Variants in DLG2 observed in about 807,000 individuals in gnomAD.
DLG2 encodes discs large MAGUK scaffold protein 2.
A neutral mutation model predicts 132.5 loss-of-function variants in DLG2; 45 were observed. The ratio of observed to expected loss-of-function variants is 0.34; its 90% CI spans 0.27 to 0.44. DLG2 has a LOEUF of 0.44. Among genes scored for constraint, DLG2 ranks in the 20% least tolerant of loss-of-function variants. DLG2 has a pLI of 1.00. For missense variants in DLG2, 1,045 were observed against 1,196.9 expected (o/e 0.87, Z 1.87); for synonymous variants, 424 against 419.6 (o/e 1.01, Z -0.13).
chr11:85,180,661 A>C (rs1341154425), intron 4 of DLG2, among the ~76,000 whole-genome samples: 1 of 151,872 alleles, frequency 6.6e-6, no homozygotes, highest in African/African-American at 2.4e-5. Context: ...AATGCAGTTA[A>C]ATATCAGCAT....
chr11:84,545,685 G>A (rs905708792), intron 6 of DLG2: 25 of 282,838 alleles, frequency 8.8e-5, no homozygotes, highest in Non-Finnish European at 6.2e-5. Context: ...CCACTGCCTC[G>A]GTCATTCATG....
chr11:83,965,020 T>C (rs1408573758), intron 13 of DLG2, among the ~76,000 whole-genome samples: 1 of 152,014 alleles, frequency 6.6e-6, no homozygotes, highest in African/African-American at 2.4e-5. Flanking sequence ...AGAGTGATCA[T>C]GCTTTAGGAG....
chr11:85,035,898 C>G (rs1220204919), intron 6 of DLG2, among the ~76,000 whole-genome samples: 1 of 152,156 alleles, frequency 6.6e-6, no homozygotes, highest in Non-Finnish European at 1.5e-5. Flanking sequence ...ATGTTTATTT[C>G]TAAATATGTG....
chr11:85,352,394 G>A (rs916419726), intron 3 of DLG2, among the ~76,000 whole-genome samples: 4 of 152,134 alleles, frequency 2.6e-5, no homozygotes, highest in East Asian at 3.9e-4. Context: ...AAGGGTTTTT[G>A]TGTCTCTATC....
At chr11:85,483,756 C>A (rs551176549) in intron 3 of DLG2, among the ~76,000 whole-genome samples, 1 of 151,820 alleles carries the variant, frequency 6.6e-6, no homozygotes, top group Admixed American at 6.6e-5. Context: ...CCAGCCTGGC[C>A]AACATGGTGA....
chr11:85,167,460 G>C (rs926860611), intron 4 of DLG2, among the ~76,000 whole-genome samples: 1 of 152,064 alleles, frequency 6.6e-6, no homozygotes, highest in Non-Finnish European at 1.5e-5. Flanking sequence ...GCAGAATCAG[G>C]AAGTTCACTC....
chr11:84,711,485 C>T (rs2060447649), intron 6 of DLG2, among the ~76,000 whole-genome samples: 1 of 144,868 alleles, frequency 6.9e-6, no homozygotes, highest in African/African-American at 2.6e-5. Context: ...CAGCAGTCAG[C>T]AAGCTGGAGA....
At chr11:84,737,393 G>A (rs780907723) in intron 6 of DLG2, among the ~76,000 whole-genome samples, 1 of 151,760 alleles carries the variant, frequency 6.6e-6, no homozygotes, top group Non-Finnish European at 1.5e-5. Context: ...CCTGCTCTTC[G>A]ATATTTTAGG....
chr11:85,016,152 T>A (rs1246413075), intron 6 of DLG2, among the ~76,000 whole-genome samples: 1 of 152,194 alleles, frequency 6.6e-6, no homozygotes, highest in Non-Finnish European at 1.5e-5. Context: ...TTGTCATTGA[T>A]GTTTTAATAA....
At chr11:84,735,288 G>T (rs1389718255) in intron 6 of DLG2, among the ~76,000 whole-genome samples, 1 of 152,014 alleles carries the variant, frequency 6.6e-6, no homozygotes, top group Non-Finnish European at 1.5e-5. Context: ...TGGTTGGTAG[G>T]CTATTAATTA....
intron 2 of DLG2, among the ~76,000 whole-genome samples, chr11:85,620,500 G>T (rs2081621510): frequency 6.6e-6 from 1 of 152,236 alleles, no homozygotes; most frequent in Non-Finnish European, 1.5e-5. Context: ...AAGCTAGGCA[G>T]CCCTCTTGCA....
intron 6 of DLG2, among the ~76,000 whole-genome samples, chr11:84,825,567 A>G (rs181121511): frequency 3.3e-5 from 5 of 151,956 alleles, no homozygotes; most frequent in Admixed American, 1.3e-4. Flanking sequence ...TTATATTGCT[A>G]TTTCTCTTCT....
chr11:84,043,463 A>T (rs1053090921), intron 11 of DLG2, among the ~76,000 whole-genome samples: 1 of 151,806 alleles, frequency 6.6e-6, no homozygotes. Flanking sequence ...GGTTTGTTGT[A>T]CAGATTATTT....
chr11:85,095,655 A>T (rs780742350), intron 6 of DLG2, among the ~76,000 whole-genome samples: 12 of 152,132 alleles, frequency 7.9e-5, no homozygotes, highest in Non-Finnish European at 1.8e-4. Flanking sequence ...AGACTCTTCA[A>T]ACTTAACTTT....
At chr11:85,459,161 C>T (rs1243381208) in intron 3 of DLG2, among the ~76,000 whole-genome samples, 2 of 152,156 alleles carry the variant, frequency 1.3e-5, no homozygotes, top group Non-Finnish European at 2.9e-5. Flanking sequence ...GCTGCTTCTC[C>T]AATTCAAGGA....
intron 6 of DLG2, among the ~76,000 whole-genome samples, chr11:84,915,121 T>C (rs951453670): frequency 5.4e-4 from 82 of 152,318 alleles, no homozygotes; most frequent in African/African-American, 1.8e-3. Context: ...ATATTCCTAA[T>C]TGAGGTTGTA....
At position 84,350,176 on chromosome 11, in the gene DLG2, C is replaced by A. The variant is rs541428081; in HGVS notation, c.520-98885G>T. ...CTGGGCGACAGAGAGAGACTTCGTC[C>A]CCCCCCCCAAAAAAAAAAAAAAAAA... On this transcript the variant is annotated intron_variant, in intron 7 of 27. Coordinates refer to ENST00000376104, the MANE Select transcript of DLG2 (RefSeq NM_001142699.3). 7.0e-3 allele frequency among the ~76,000 whole-genome samples: 979 copies of A among 139,514 alleles called. 5 individuals are homozygous for A. Among genetic ancestry groups the A allele is most frequent in the Non-Finnish European group, 0.01 (645 of 64,232 alleles). The allele number at this position is 139,514 out of a possible 152,430, so 91.5% of individuals were successfully genotyped here.
chr11:83,931,735 TATA>T (rs2080269489), intron 14 of DLG2, among the ~76,000 whole-genome samples: 1 of 152,244 alleles, frequency 6.6e-6, no homozygotes, highest in African/African-American at 2.4e-5. Flanking sequence ...ATTTTGTGAA[TATA>T]ATATTATCGT....
At chr11:84,099,727 T>A (rs189898029) in intron 9 of DLG2, among the ~76,000 whole-genome samples, 144 of 149,166 alleles carry the variant, frequency 9.7e-4, no homozygotes, top group African/African-American at 3.3e-3. Flanking sequence ...GTAACTGATA[T>A]CCTGTGGGTG....
Sources: allele counts gnomAD v4.1 joint callset (sites outside exome capture counted in the v4.1 genomes callset), GRCh38; gene constraint gnomAD v4.1.1; transcripts MANE v1.5; gene names NCBI Gene and HGNC (gene_info 2026-07-23, HGNC 2026-07-21).